NPRL3: variants seen among roughly 807,000 people sequenced by gnomAD.
The protein encoded by NPRL3 is GATOR1 complex protein NPRL3.
Under a neutral mutation model 57.2 loss-of-function variants are expected in NPRL3, and 23 were observed. The observed-to-expected ratio is 0.40, with a 90% CI of 0.29 to 0.57. The LOEUF is 0.57. NPRL3 is among the 20% of genes least tolerant of loss of function. The pLI is 0.42. For synonymous variants in NPRL3, 333 were observed against 321.1 expected (o/e 1.04, Z -0.39); for missense variants, 691 against 767.1 (o/e 0.90, Z 1.17).
chr16:112,230 C>T (rs568473809), intron 6 of NPRL3, among the ~76,000 whole-genome samples: 1 of 152,218 alleles, frequency 6.6e-6, no homozygotes, highest in Admixed American at 6.5e-5. Context: ...GAAGAAAGAA[C>T]ATTTCTGGTC....
chr16:105,773 G>A (rs974487061), intron 7 of NPRL3, among the ~76,000 whole-genome samples: 1 of 152,186 alleles, frequency 6.6e-6, no homozygotes, highest in Non-Finnish European at 1.5e-5. Flanking sequence ...GGGCTGTGTT[G>A]CAGAAAGTGA....
intron 9 of NPRL3, among the ~76,000 whole-genome samples, chr16:96,997 T>C (rs1399367476): frequency 6.6e-6 from 1 of 152,194 alleles, no homozygotes; most frequent in African/African-American, 2.4e-5. Context: ...CAAAAGAGCA[T>C]GGAAGCTCAG....
At chr16:130,348 C>A (rs1180235621) in intron 3 of NPRL3, among the ~76,000 whole-genome samples, 174 bp downstream of exon 3, 1 of 152,156 alleles carries the variant, frequency 6.6e-6, no homozygotes, top group Admixed American at 6.6e-5. Context: ...TCAGCAAGCC[C>A]CAGACTGTCT....
At chr16:89,029 G>A (rs1174910844) in intron 12 of NPRL3, 139 bp from the exon 13 acceptor site, 3 of 750,724 alleles carry the variant, frequency 4.0e-6, no homozygotes, top group African/African-American at 1.7e-5. Context: ...GCAAGCATTC[G>A]CTGCTGCCCC....
intron 7 of NPRL3, among the ~76,000 whole-genome samples, chr16:106,294 C>T (rs1899524618): frequency 6.6e-6 from 1 of 151,504 alleles, no homozygotes; most frequent in African/African-American, 2.4e-5. Flanking sequence ...GGTGACGAAG[C>T]AAGACTCCGT....
intron 3 of NPRL3, among the ~76,000 whole-genome samples, chr16:129,171 A>G (rs985854102): frequency 6.6e-6 from 1 of 152,196 alleles, no homozygotes; most frequent in African/African-American, 2.4e-5. Flanking sequence ...CTGAGTCTTC[A>G]GCAGCCTGGG....
At position 88,687 on chromosome 16, in the gene NPRL3, C is replaced by T; in HGVS notation, c.1544+11G>A. 6.2e-7 allele frequency: 1 copy of T among 1,604,770 alleles called. No homozygotes were observed. Among genetic ancestry groups the T allele is most frequent in the Non-Finnish European group, 8.5e-7 (1 of 1,173,342 alleles). On this transcript the variant is annotated intron_variant, in intron 13 of 13. Transcript: ENST00000611875. Reference sequence around the variant, plus strand: ...ACTGGCCCCAGTCCCAACGGGTCAACCTACACCCACCTGGCAAACATGCGG... The same window carrying T: ...ACTGGCCCCAGTCCCAACGGGTCAATCTACACCCACCTGGCAAACATGCGG...
chr16:94,124 C>A (rs1898885058), intron 9 of NPRL3, among the ~76,000 whole-genome samples: 1 of 152,040 alleles, frequency 6.6e-6, no homozygotes, highest in Non-Finnish European at 1.5e-5. Flanking sequence ...GCCACCCCTA[C>A]ATACCCAAAG....
In NPRL3 at chr16:110,512, C is replaced by A. The variant is rs1405771969; in HGVS notation, c.629+13G>T. 6.2e-7 allele frequency: 1 copy of A among 1,606,670 alleles called. No individual in the cohort carries two copies. The highest frequency in any genetic ancestry group is 2.2e-5 in the East Asian group (1 of 44,718). ...ATAAGAAGGAGGTTAATAAGCACAC[C>A]CACCTGTCTTACCTGTCATAAGCTT... On this transcript the variant is annotated intron_variant, in intron 7 of 13. Coordinates refer to ENST00000611875, the MANE Select transcript of NPRL3 (RefSeq NM_001077350.3).
intron 9 of NPRL3, among the ~76,000 whole-genome samples, chr16:96,686 C>G (rs1477017601): frequency 6.7e-6 from 1 of 150,106 alleles, no homozygotes; most frequent in Non-Finnish European, 1.5e-5. Flanking sequence ...GCCAGGCGCA[C>G]ACCTGTAGTC....
At chr16:135,469 C>T (rs1401633112) in intron 2 of NPRL3, among the ~76,000 whole-genome samples, 4 of 151,976 alleles carry the variant, frequency 2.6e-5, no homozygotes, top group East Asian at 3.9e-4. Flanking sequence ...ATTAGCCAGG[C>T]GTGGTGGCAC....
intron 3 of NPRL3, among the ~76,000 whole-genome samples, chr16:123,715 C>G (rs35555273): frequency 0.041 from 6,164 of 151,820 alleles, 171 homozygotes; most frequent in African/African-American, 0.074. Context: ...AGACAAGAAA[C>G]AGGATCACAC....
At chr16:122,911 A>G (rs965721640) in intron 3 of NPRL3, among the ~76,000 whole-genome samples, 3 of 152,180 alleles carry the variant, frequency 2.0e-5, no homozygotes, top group Admixed American at 6.5e-5. Context: ...GTGTACCTCC[A>G]AGGCCCAGAG....
At chr16:91,898 G>A (rs960418153) in intron 11 of NPRL3, among the ~76,000 whole-genome samples, 1 of 152,168 alleles carries the variant, frequency 6.6e-6, no homozygotes, top group African/African-American at 2.4e-5. Flanking sequence ...GGATGGCAAA[G>A]CCACCTCAGC....
At chr16:123,790 C>A (rs1230896969) in intron 3 of NPRL3, among the ~76,000 whole-genome samples, 7 of 144,970 alleles carry the variant, frequency 4.8e-5, no homozygotes, top group African/African-American at 1.5e-4. Context: ...ACACACTCCC[C>A]ACGCTGAGAA....
chr16:134,166 T>G (rs59087569), intron 2 of NPRL3, among the ~76,000 whole-genome samples: 11,292 of 151,452 alleles, frequency 0.075, 783 homozygotes, highest in African/African-American at 0.18. Context: ...TGGACACAGG[T>G]TTGCCATGAA....
intron 9 of NPRL3, among the ~76,000 whole-genome samples, chr16:97,417 T>TTC (rs1399488360): frequency 6.7e-6 from 1 of 149,836 alleles, no homozygotes; most frequent in East Asian, 2.0e-4. Context: ...GCTATTTTTT[T>TTC]TTTTTTTTTT....
At chr16:117,698 T>C (rs1056164186) in intron 4 of NPRL3, among the ~76,000 whole-genome samples, 3 of 152,204 alleles carry the variant, frequency 2.0e-5, no homozygotes, top group Non-Finnish European at 4.4e-5. Context: ...CGTGCCCGCC[T>C]GCATCCACCA....
At chr16:131,106 G>T (rs1391003630) in intron 2 of NPRL3, among the ~76,000 whole-genome samples, 1 of 152,248 alleles carries the variant, frequency 6.6e-6, no homozygotes, top group African/African-American at 2.4e-5. Flanking sequence ...AGGCCAAGGT[G>T]GGTGGATCAC....
Sources: gnomAD v4.1 joint callset for allele counts (sites outside exome capture counted in the v4.1 genomes callset) on GRCh38, gnomAD v4.1.1 for gene constraint, MANE v1.5 for transcripts, NCBI Gene and HGNC (gene_info 2026-07-23, HGNC 2026-07-21) for gene names.